ZNF682: variants seen among roughly 807,000 people sequenced by gnomAD.
ZNF682 encodes the protein zinc finger protein 682.
ZNF682 carries 29 observed loss-of-function variants against 36.5 expected under a neutral mutation model. That is an observed-to-expected ratio of 0.80 (90% CI 0.59 to 1.08). The LOEUF is 1.08. Ranked by LOEUF, ZNF682 falls within the 50% of genes least tolerant of loss-of-function variation. The pLI, the probability that ZNF682 is intolerant of heterozygous loss-of-function variation, is 0.00. For missense variants in ZNF682, 561 were observed against 579.7 expected, an observed-to-expected ratio of 0.97 and a Z score of 0.33; for synonymous variants, 180 against 197.0, an observed-to-expected ratio of 0.91 and a Z score of 0.72.
chr19:20,015,894 T>C, intron 3 of ZNF682: 1 of 397,490 alleles, frequency 2.5e-6, no homozygotes, highest in South Asian at 1.3e-4. Context: ...ACAATATAAA[T>C]ATTGTAAAAT....
At chr19:20,018,571 C>T (rs940929465) in intron 3 of ZNF682, among the ~76,000 whole-genome samples, 6 of 152,070 alleles carry the variant, frequency 3.9e-5, no homozygotes, top group Non-Finnish European at 7.4e-5. Context: ...GAATTAAGCA[C>T]GTGTGTACAT....
chr19:20,003,361 T>C (rs1480453024), downstream of ZNF682, among the ~76,000 whole-genome samples: 1 of 152,090 alleles, frequency 6.6e-6, no homozygotes, highest in Non-Finnish European at 1.5e-5. Flanking sequence ...GTAAAAATTA[T>C]TCCAATAATT....
intron 1 of ZNF682, among the ~76,000 whole-genome samples, chr19:20,028,247 G>A (rs952705424): frequency 8.1e-5 from 11 of 136,120 alleles, no homozygotes; most frequent in South Asian, 2.4e-4. Flanking sequence ...TTACTCTGTC[G>A]CCCAGGCTGG....
At chr19:20,030,477 G>A (rs1166433618) in intron 1 of ZNF682, among the ~76,000 whole-genome samples, 11 of 152,164 alleles carry the variant, frequency 7.2e-5, no homozygotes, top group African/African-American at 2.7e-4. Context: ...GGCTGAGACA[G>A]GAGAAAATCA....
chr19:20,010,535 T>G (rs996811074), intron 3 of ZNF682, among the ~76,000 whole-genome samples: 11 of 152,140 alleles, frequency 7.2e-5, no homozygotes, highest in Admixed American at 1.3e-4. Flanking sequence ...GGCACATTCC[T>G]GTAGTCCCAG....
chr19:20,027,258 G>A (rs1197144301), intron 1 of ZNF682, among the ~76,000 whole-genome samples: 1 of 152,222 alleles, frequency 6.6e-6, no homozygotes, highest in African/African-American at 2.4e-5. Flanking sequence ...GGCCACACTT[G>A]CTTGTCCTTT....
rs138897997 is a variant in ZNF682 at position 20,006,802 on chromosome 19, A to G, written c.700T>C (p.Cys234Arg). 1 of 1,614,136 alleles carries G rather than the reference A, an allele frequency of 6.2e-7. No homozygotes were observed. The highest frequency in any genetic ancestry group is 8.5e-7 in the Non-Finnish European group (1 of 1,180,024). The change falls in exon 4 of 4, where the codon TGT becomes CGT. Residue 234 changes from cysteine (C) to arginine (R), a missense_variant. Transcript: ENST00000397165. ...GAGCACCAGTTAAAAGCTTTGCCAC[A>G]TTCTTCACATTTGTATGGTTTCTCT... ...TGEKPYKCEE[C>R]GKAFNWCSSL...
downstream of ZNF682, among the ~76,000 whole-genome samples, chr19:20,001,010 T>C (rs927982152): frequency 9.9e-5 from 15 of 152,162 alleles, no homozygotes; most frequent in African/African-American, 3.6e-4. Context: ...GACTGAAATA[T>C]GGAAACTCTC....
intron 3 of ZNF682, among the ~76,000 whole-genome samples, chr19:20,017,746 A>G (rs1181330084): frequency 1.3e-5 from 2 of 152,238 alleles, no homozygotes; most frequent in South Asian, 2.1e-4. Flanking sequence ...TAAAAGCAGC[A>G]GAATACATGA....
chr19:20,022,657 C>T (rs1345425675), intron 3 of ZNF682, among the ~76,000 whole-genome samples: 1 of 129,028 alleles, frequency 7.8e-6, no homozygotes, highest in East Asian at 2.1e-4. Context: ...GAGCGAAACT[C>T]TCTCTCTCAA....
At position 20,007,290 on chromosome 19, in the gene ZNF682, T is replaced by G. The variant is rs1414109638; in HGVS notation, c.227-15A>C. 7.6e-6 allele frequency: 12 copies of G among 1,577,188 alleles called. No individual in the cohort carries two copies. Among genetic ancestry groups the G allele is most frequent in the Non-Finnish European group, 1.0e-5 (12 of 1,162,284 alleles). On this transcript the variant is annotated splice_polypyrimidine_tract_variant and intron_variant, in intron 3 of 3. Transcript: ENST00000397165. ...AGAAGACATAGCTGAAATATGAAAT[T>G]AACAAAATATCCCACTTGTTATTTT...
intron 3 of ZNF682, among the ~76,000 whole-genome samples, chr19:20,014,309 G>A (rs1004075056): frequency 1.3e-5 from 2 of 152,186 alleles, no homozygotes; most frequent in South Asian, 4.2e-4. Flanking sequence ...ATGTAGCACA[G>A]ATATTATCTT....
rs551698707 is a variant in ZNF682 at position 20,012,644 on chromosome 19, T to C, written c.227-5369A>G. On this transcript the variant is annotated intron_variant, in intron 3 of 3. Transcript: ENST00000397165. ...TTAGTGGGGCATGGTGGCGGGCGCC[T>C]GTAGTCTCAGCTGCTCGGGAGGCTG... Among the ~76,000 whole-genome samples, 6 of 151,550 alleles carry C rather than the reference T, an allele frequency of 4.0e-5. No homozygotes were observed. The South Asian group carries it at 1.3e-3, about 32-fold the overall frequency.
At chr19:20,031,175 G>A (rs2088476545) in intron 1 of ZNF682, 1 of 152,250 alleles carries the variant, frequency 6.6e-6, no homozygotes, top group South Asian at 2.1e-4. Flanking sequence ...AAACCCATAT[G>A]TGATATCACC....
chr19:20,039,497 G>A lies in ZNF682; in HGVS notation c.-152C>T. 9.5e-7 allele frequency: 1 copy of A among 1,048,624 alleles called. No individual in the cohort carries two copies. Among genetic ancestry groups the A allele is most frequent in the Non-Finnish European group, 1.4e-6 (1 of 740,082 alleles). 65.0% of individuals were successfully genotyped at this position (1,048,624 alleles called of 1,614,324 possible). ...GGACCCTGAGCTCTGGCTGGAGCGA[G>A]ACAAAGGCCCCGCCAGCTCCAGGAC... On this transcript the variant is annotated 5_prime_UTR_variant, in exon 1 of 4. Transcript: ENST00000397165.
downstream of ZNF682, among the ~76,000 whole-genome samples, chr19:20,003,017 C>A (rs1043186165): frequency 1.3e-5 from 2 of 151,194 alleles, no homozygotes; most frequent in Non-Finnish European, 3.0e-5. Context: ...GGTGAAACCC[C>A]GTCTCTACTA....
downstream of ZNF682, among the ~76,000 whole-genome samples, chr19:19,995,564 G>T (rs117128253): frequency 3.9e-5 from 6 of 152,234 alleles, no homozygotes; most frequent in African/African-American, 1.4e-4. Flanking sequence ...CTGAAACAGC[G>T]CGGGATGAAT....
rs1358550952 is a variant in ZNF682 at position 20,006,251 on chromosome 19, T to C, written c.1251A>G (p.Arg417=). ...TGTAGGGTTTCTCTCCAGTATGAAT[T>C]CTCTTATGTTCAGTAAGGATTGAGG... The part of the protein sequence containing the change: ...NWSSILTEHK[R]IHTGEKPYNC... Residue 417 remains arginine (R), a synonymous_variant, in exon 4 of 4, where the codon AGA becomes AGG. Coordinates refer to ENST00000397165, the MANE Select transcript of ZNF682 (RefSeq NM_033196.3). The C allele has an allele frequency of 6.2e-7, 1 of 1,613,724 alleles. No individual in the cohort carries two copies. The highest frequency in any genetic ancestry group is 8.5e-7 in the Non-Finnish European group (1 of 1,179,972).
downstream of ZNF682, among the ~76,000 whole-genome samples, chr19:20,003,018 G>A (rs146909429): frequency 5.2e-3 from 790 of 151,336 alleles, 12 homozygotes; most frequent in African/African-American, 0.018. Context: ...GTGAAACCCC[G>A]TCTCTACTAA....
Sources: gnomAD v4.1 joint callset for allele counts (sites outside exome capture counted in the v4.1 genomes callset) on GRCh38, gnomAD v4.1.1 for gene constraint, MANE v1.5 for transcripts, NCBI Gene and HGNC (gene_info 2026-07-23, HGNC 2026-07-21) for gene names.